The following TTC6 variants were observed in gnomAD, a reference collection of about 807,000 sequenced individuals.
TTC6 encodes tetratricopeptide repeat protein 6.
In TTC6, 172 loss-of-function variants were observed where a neutral mutation model predicts 210.4. The ratio of observed to expected loss-of-function variants is 0.82; its 90% confidence interval spans 0.72 to 0.93. The LOEUF is 0.93. TTC6 is among the 40% of genes least tolerant of loss of function. TTC6 has a pLI of 0.00. For missense variants in TTC6, 2,414 were observed against 2,318.1 expected, an observed-to-expected ratio of 1.04 and a Z score of -0.85; for synonymous variants, 804 against 819.6, an observed-to-expected ratio of 0.98 and a Z score of 0.32.
intron 1 of TTC6, among the ~76,000 whole-genome samples, chr14:37,665,734 C>T (rs2095746672): frequency 6.6e-6 from 1 of 150,562 alleles, no homozygotes; most frequent in South Asian, 2.1e-4. Context: ...GAGAAGAACA[C>T]AAGCAAGTTA....
At chr14:37,817,009 G>A (rs2096143609) in intron 25 of TTC6, among the ~76,000 whole-genome samples, 3 of 152,060 alleles carry the variant, frequency 2.0e-5, no homozygotes, top group African/African-American at 7.2e-5. Context: ...GGGGATTAGA[G>A]TTTCCATTTC....
chr14:37,698,596 C>G (rs567086804), intron 4 of TTC6, among the ~76,000 whole-genome samples: 4 of 152,164 alleles, frequency 2.6e-5, no homozygotes, highest in African/African-American at 9.6e-5. Context: ...GCCTGTTTGT[C>G]TCAGGCATTT....
rs558901616 is a variant in TTC6 at position 37,785,073 on chromosome 14, C to T, written c.3267-2395C>T. ...CTTAAGATTTTTTCCTTCATTTCAA[C>T]TTTGGTGAATCTGACAATTATGTGT... On this transcript the variant is annotated intron_variant, in intron 14 of 30. Transcript: ENST00000553443. Among the ~76,000 whole-genome samples the T allele has an allele frequency of 3.2e-4, 48 of 152,266 alleles. No individual in the cohort carries two copies. In the South Asian group the frequency reaches 7.5e-3, roughly 24 times the overall value.
intron 1 of TTC6, among the ~76,000 whole-genome samples, chr14:37,632,127 A>G (rs867021473): frequency 6.6e-6 from 1 of 152,124 alleles, no homozygotes; most frequent in Non-Finnish European, 1.5e-5. Context: ...CAGTTGGTCA[A>G]ACTCATTCTC....
intron 1 of TTC6, among the ~76,000 whole-genome samples, chr14:37,664,266 A>G (rs572977212): frequency 3.3e-5 from 5 of 150,860 alleles, no homozygotes; most frequent in Middle Eastern, 3.4e-3. Flanking sequence ...TAAAGGCTAC[A>G]GTAACCACAA....
At chr14:37,762,724 T>C (rs2095988006) in intron 14 of TTC6, among the ~76,000 whole-genome samples, 1 of 152,196 alleles carries the variant, frequency 6.6e-6, no homozygotes, top group African/African-American at 2.4e-5. Context: ...TTCAGTTTGA[T>C]GTAATGCCAC....
chr14:37,682,196 A>T (rs1295600382), intron 2 of TTC6, among the ~76,000 whole-genome samples: 1 of 151,810 alleles, frequency 6.6e-6, no homozygotes, highest in Non-Finnish European at 1.5e-5. Context: ...CCTGATGACC[A>T]GTGACAAAAA....
At chr14:37,721,085 A>T (rs1297469245) in intron 6 of TTC6, among the ~76,000 whole-genome samples, 1 of 98,694 alleles carries the variant, frequency 1.0e-5, no homozygotes, top group Non-Finnish European at 1.9e-5. Flanking sequence ...AGTGGAACAG[A>T]AAAAAAAAAA....
chr14:37,727,291 A>ATTTTTTTTTTTTT (rs368293440), intron 7 of TTC6, among the ~76,000 whole-genome samples: 38 of 92,246 alleles, frequency 4.1e-4, no homozygotes, highest in Non-Finnish European at 7.0e-4. Context: ...TATTTTTCTA[A>ATTTTTTTTTTTTT]TTTTTTTTTT....
chr14:37,741,380 C>T (rs1450035951), intron 10 of TTC6, among the ~76,000 whole-genome samples: 1 of 138,446 alleles, frequency 7.2e-6, no homozygotes, highest in Non-Finnish European at 1.5e-5. Context: ...CCTCTGCCTC[C>T]CAGGTTCAAG....
At chr14:37,825,595 C>T (rs1024793502) in intron 27 of TTC6, among the ~76,000 whole-genome samples, 1 of 152,090 alleles carries the variant, frequency 6.6e-6, no homozygotes, top group African/African-American at 2.4e-5. Flanking sequence ...GTTCTGTTAA[C>T]AATGCCCCTC....
intron 1 of TTC6, among the ~76,000 whole-genome samples, chr14:37,599,174 G>T (rs1319415446): frequency 6.6e-6 from 1 of 152,168 alleles, no homozygotes; most frequent in Admixed American, 6.5e-5. Context: ...GCGAGACTGC[G>T]GTCCCCCGCG....
chr14:37,767,640 T>C lies in TTC6; in HGVS notation c.3266+14405T>C, dbSNP rs180752621. On this transcript the variant is annotated intron_variant, in intron 14 of 30. Coordinates refer to ENST00000553443, the Ensembl canonical transcript of TTC6. Reference sequence around the variant, plus strand: ...TTCATGTCCTTCGCCTACTTTTTAATGGGGTTGTTTGTTTTTTTCTTGTAA... The same window carrying C: ...TTCATGTCCTTCGCCTACTTTTTAACGGGGTTGTTTGTTTTTTTCTTGTAA... Among the ~76,000 whole-genome samples, 424 of 152,324 alleles carry C rather than the reference T, an allele frequency of 2.8e-3. 5 individuals carry two copies. The highest frequency in any genetic ancestry group is 9.1e-3 in the African/African-American group (379 of 41,562).
At chr14:37,634,864 T>A (rs993231118) in intron 1 of TTC6, among the ~76,000 whole-genome samples, 1 of 152,222 alleles carries the variant, frequency 6.6e-6, no homozygotes, top group Admixed American at 6.5e-5. Flanking sequence ...GAATTCTATT[T>A]CCAGTGAAAT....
At chr14:37,604,330 A>G (rs2095621217) in intron 1 of TTC6, among the ~76,000 whole-genome samples, 1 of 152,170 alleles carries the variant, frequency 6.6e-6, no homozygotes, top group Non-Finnish European at 1.5e-5. Context: ...AGACTGCATC[A>G]AGTTCACATT....
At chr14:37,746,187 A>G (rs961583277) in intron 10 of TTC6, among the ~76,000 whole-genome samples, 5 of 152,130 alleles carry the variant, frequency 3.3e-5, no homozygotes, top group African/African-American at 1.2e-4. Flanking sequence ...TCCCATTGGA[A>G]TCAGTGAAAC....
intron 14 of TTC6, among the ~76,000 whole-genome samples, chr14:37,767,734 C>A (rs575457295): frequency 9.5e-4 from 144 of 151,748 alleles, no homozygotes; most frequent in African/African-American, 3.2e-3. Context: ...CGAAAATTTT[C>A]TCCCATTTTG....
At chr14:37,715,266 A>G (rs2095850785) in intron 6 of TTC6, among the ~76,000 whole-genome samples, 1 of 152,168 alleles carries the variant, frequency 6.6e-6, no homozygotes, top group Non-Finnish European at 1.5e-5. Flanking sequence ...TTGAGGGACT[A>G]TAACAAAAGA....
chr14:37,755,477 G>C (rs571328070), intron 14 of TTC6, among the ~76,000 whole-genome samples: 1 of 152,262 alleles, frequency 6.6e-6, no homozygotes, highest in South Asian at 2.1e-4. Context: ...GAATGGCATT[G>C]CCTAAGTTTT....
Sources: allele counts gnomAD v4.1 joint callset (sites outside exome capture counted in the v4.1 genomes callset), GRCh38; gene constraint gnomAD v4.1.1; transcripts MANE v1.5; gene names NCBI Gene and HGNC (gene_info 2026-07-23, HGNC 2026-07-21).